Variants in KIAA0825 observed in about 807,000 individuals in gnomAD.
The protein encoded by KIAA0825 is KIAA0825, also known as uncharacterized protein KIAA0825.
KIAA0825 carries 119 observed loss-of-function variants against 147.6 expected under a neutral mutation model. The ratio of observed to expected loss-of-function variants is 0.81; its 90% confidence interval spans 0.69 to 0.94. KIAA0825 has a LOEUF of 0.94. Among genes scored for constraint, KIAA0825 ranks in the 40% least tolerant of loss-of-function variants. The pLI is 0.00. For missense variants in KIAA0825, 1,381 were observed against 1,472.7 expected, an observed-to-expected ratio of 0.94 and a Z score of 1.02; for synonymous variants, 470 against 518.1, an observed-to-expected ratio of 0.91 and a Z score of 1.26.
chr5:94,269,795 G>GA (rs1234205012), intron 20 of KIAA0825, among the ~76,000 whole-genome samples: 17 of 151,892 alleles, frequency 1.1e-4, no homozygotes, highest in South Asian at 6.2e-4. Flanking sequence ...ATTAGTAGAA[G>GA]AAAAGAAATA....
Position 94,324,900 on chromosome 5 carries a change from C to T in KIAA0825, c.3710+59468G>A, listed in dbSNP as rs138973600. Reference sequence around the variant, plus strand: ...TAAAAAGAAAGCACTTATATTTGGCCGATTCTCCAAATTCATTAAAATGAT... The same window carrying T: ...TAAAAAGAAAGCACTTATATTTGGCTGATTCTCCAAATTCATTAAAATGAT... On this transcript the variant is annotated intron_variant, in intron 20 of 20. Coordinates refer to ENST00000682413, the MANE Select transcript of KIAA0825 (RefSeq NM_001145678.3). Among the ~76,000 whole-genome samples the T allele has an allele frequency of 6.6e-3, 999 of 151,650 alleles. 13 individuals carry two copies. The highest frequency in any genetic ancestry group is 0.022 in the African/African-American group (910 of 41,366).
At chr5:94,210,574 G>A (rs1258767093) in intron 20 of KIAA0825, among the ~76,000 whole-genome samples, 1 of 152,140 alleles carries the variant, frequency 6.6e-6, no homozygotes, top group Non-Finnish European at 1.5e-5. Context: ...TGGTAATTGT[G>A]TCAGTTCAGG....
rs1249326458 is a variant in KIAA0825, at chr5:94,332,934, GGTA to G, written c.3710+51431_3710+51433del. Among the ~76,000 whole-genome samples, 4 of 152,232 alleles carry G rather than the reference GGTA, an allele frequency of 2.6e-5. No individual in the cohort carries two copies. The East Asian group carries it at 7.7e-4, about 29-fold the overall frequency. ...ACTGCCATTCTAACTGGCATGAGAT[GGTA>G]TCTCATTGTGGTTTTGATTTGCATT... On this transcript the variant is annotated intron_variant, in intron 20 of 20. Transcript: ENST00000682413.
chr5:94,571,054 T>C (rs1391166054), intron 2 of KIAA0825, among the ~76,000 whole-genome samples: 1 of 152,234 alleles, frequency 6.6e-6, no homozygotes, highest in African/African-American at 2.4e-5. Flanking sequence ...GGTAGAATAT[T>C]GCAGATTTTG....
intron 3 of KIAA0825, among the ~76,000 whole-genome samples, chr5:94,532,992 T>C (rs1771151186): frequency 6.6e-6 from 1 of 151,284 alleles, no homozygotes; most frequent in Admixed American, 6.6e-5. Flanking sequence ...TTTTTTTTTT[T>C]TTTTGAGACG....
Position 94,489,570 on chromosome 5 carries a change from T to TAA in KIAA0825, c.971-4642_971-4641dup, listed in dbSNP as rs200850265. On this transcript the variant is annotated intron_variant, in intron 5 of 20. Coordinates refer to ENST00000682413, the MANE Select transcript of KIAA0825 (RefSeq NM_001145678.3). ...GCTATTGCATAAAACACCAGTGACTTAAAAAAAAAAAAAAAAACAAACTCC... is the reference window on the plus strand; with the variant it reads ...GCTATTGCATAAAACACCAGTGACTTAAAAAAAAAAAAAAAAAAACAAACTCC... 5.7e-3 allele frequency among the ~76,000 whole-genome samples: 676 copies of TAA among 119,422 alleles called. 2 individuals carry two copies. Among genetic ancestry groups the TAA allele is most frequent in the Middle Eastern group, 0.013 (3 of 238 alleles). The allele number at this position is 119,422 out of a possible 152,430, so 78.3% of individuals were successfully genotyped here.
chr5:94,321,528 C>A (rs1780201545), intron 20 of KIAA0825, among the ~76,000 whole-genome samples: 1 of 151,924 alleles, frequency 6.6e-6, no homozygotes, highest in Non-Finnish European at 1.5e-5. Context: ...GATGGTAGAG[C>A]TGAGATATGA....
At chr5:94,244,031 T>A (rs1775483368) in intron 20 of KIAA0825, among the ~76,000 whole-genome samples, 1 of 152,182 alleles carries the variant, frequency 6.6e-6, no homozygotes, top group Non-Finnish European at 1.5e-5. Flanking sequence ...CCTGTCATGG[T>A]GACCATGCCA....
intron 20 of KIAA0825, among the ~76,000 whole-genome samples, chr5:94,215,801 C>T (rs1053229508): frequency 6.6e-6 from 1 of 152,120 alleles, no homozygotes; most frequent in East Asian, 1.9e-4. Context: ...CTGTCTCTAG[C>T]CCTCTCCTCT....
intron 20 of KIAA0825, among the ~76,000 whole-genome samples, chr5:94,303,130 T>C (rs921444243): frequency 6.6e-6 from 1 of 151,910 alleles, no homozygotes; most frequent in Non-Finnish European, 1.5e-5. Flanking sequence ...AGGCCTAACT[T>C]TTTTACCACA....
intron 14 of KIAA0825, among the ~76,000 whole-genome samples, chr5:94,433,689 C>T (rs770520942): frequency 6.6e-6 from 1 of 152,166 alleles, no homozygotes; most frequent in South Asian, 2.1e-4. Context: ...TCATACCACA[C>T]AGAGCTGTTA....
At chr5:94,553,711 C>T (rs1420558300) in intron 2 of KIAA0825, among the ~76,000 whole-genome samples, 1 of 149,454 alleles carries the variant, frequency 6.7e-6, no homozygotes. Context: ...GGCTGCCGTG[C>T]GCCAAGATCG....
intron 2 of KIAA0825, among the ~76,000 whole-genome samples, chr5:94,572,266 A>G (rs1407867096): frequency 6.6e-6 from 1 of 152,196 alleles, no homozygotes; most frequent in Non-Finnish European, 1.5e-5. Flanking sequence ...ACCATCACCC[A>G]AACCTGAAGG....
At chr5:94,609,391 T>C (rs1788264995) in intron 1 of KIAA0825, among the ~76,000 whole-genome samples, 1 of 152,154 alleles carries the variant, frequency 6.6e-6, no homozygotes. Context: ...TGTTAACATG[T>C]AGTGGTTTGT....
chr5:94,441,798 A>C (rs536206348), intron 13 of KIAA0825, among the ~76,000 whole-genome samples: 1 of 152,354 alleles, frequency 6.6e-6, no homozygotes, highest in South Asian at 2.1e-4. Flanking sequence ...GCCAGAGCTA[A>C]GATACCATCC....
chr5:94,301,205 G>C (rs907984705), intron 20 of KIAA0825, among the ~76,000 whole-genome samples: 6 of 152,024 alleles, frequency 3.9e-5, no homozygotes, highest in Admixed American at 3.9e-4. Flanking sequence ...GAAAGAAAAC[G>C]TGTGTAAATT....
chr5:94,241,626 G>A (rs186744990), intron 20 of KIAA0825, among the ~76,000 whole-genome samples: 36 of 152,232 alleles, frequency 2.4e-4, no homozygotes, highest in Admixed American at 1.9e-3. Flanking sequence ...AGTAGATTGT[G>A]TAAAGAATTT....
chr5:94,289,576 C>T (rs1777801334), intron 20 of KIAA0825, among the ~76,000 whole-genome samples: 2 of 147,996 alleles, frequency 1.4e-5, no homozygotes, highest in African/African-American at 4.9e-5. Context: ...TGTAAACCTA[C>T]ATTTGGGAAA....
At chr5:94,369,831 G>T (rs973494154) in intron 20 of KIAA0825, among the ~76,000 whole-genome samples, 1 of 152,134 alleles carries the variant, frequency 6.6e-6, no homozygotes, top group African/African-American at 2.4e-5. Flanking sequence ...AAAAGAATCA[G>T]TCTGGCATCA....
Sources: gnomAD v4.1 joint callset for allele counts (sites outside exome capture counted in the v4.1 genomes callset) on GRCh38, gnomAD v4.1.1 for gene constraint, MANE v1.5 for transcripts, NCBI Gene and HGNC (gene_info 2026-07-23, HGNC 2026-07-21) for gene names.